Variants in CNTNAP2 observed in about 807,000 individuals in gnomAD.
The protein encoded by CNTNAP2 is contactin-associated protein-like 2.
In CNTNAP2, 98 loss-of-function variants were observed where a neutral mutation model predicts 155.2. The observed-to-expected ratio is 0.63, with a 90% CI of 0.54 to 0.75. The LOEUF (loss-of-function observed/expected upper bound fraction) is 0.75, where lower values mean the gene tolerates loss of function less well. Ranked by LOEUF, CNTNAP2 falls within the 30% of genes least tolerant of loss-of-function variation. The pLI is 0.00. For synonymous variants in CNTNAP2, 651 were observed against 631.2 expected (o/e 1.03, Z -0.47); for missense variants, 1,727 against 1,688.1 (o/e 1.02, Z -0.40).
chr7:146,239,985 T>C (rs890107127), intron 1 of CNTNAP2, among the ~76,000 whole-genome samples: 9 of 152,220 alleles, frequency 5.9e-5, no homozygotes, highest in African/African-American at 2.2e-4. Context: ...ATTTATTTTT[T>C]CATTAGATTT....
chr7:147,481,753 G>A lies in CNTNAP2; in HGVS notation c.1671-4182G>A, dbSNP rs144989018. On this transcript the variant is annotated intron_variant, in intron 10 of 23. Coordinates refer to ENST00000361727, the MANE Select transcript of CNTNAP2 (RefSeq NM_014141.6). The stretch of plus-strand genomic sequence containing the variant: ...ACTTGATCACAACAAATTGACACCT[G>A]CCAACTTCTCCCCTGTACCTTCCTG... 4.5e-4 allele frequency among the ~76,000 whole-genome samples: 69 copies of A among 152,232 alleles called. No individual in the cohort carries two copies. The East Asian group carries it at 0.013, about 29-fold the overall frequency.
At chr7:146,316,919 T>C (rs1044753811) in intron 1 of CNTNAP2, among the ~76,000 whole-genome samples, 17 of 151,846 alleles carry the variant, frequency 1.1e-4, no homozygotes, top group Non-Finnish European at 7.4e-5. Flanking sequence ...TCCAGAAGCA[T>C]AGGGGCCTTG....
chr7:148,023,219 G>A (rs1009900403), intron 15 of CNTNAP2, among the ~76,000 whole-genome samples: 6 of 152,098 alleles, frequency 3.9e-5, no homozygotes, highest in African/African-American at 9.7e-5. Context: ...TCTCTTGAGC[G>A]ATGCACAAAA....
At chr7:147,031,141 C>T (rs1025715959) in intron 3 of CNTNAP2, among the ~76,000 whole-genome samples, 1 of 151,940 alleles carries the variant, frequency 6.6e-6, no homozygotes, top group Non-Finnish European at 1.5e-5. Context: ...TTCTGTTTGT[C>T]TAAATATTTA....
At chr7:147,208,346 T>A (rs1803063528) in intron 8 of CNTNAP2, among the ~76,000 whole-genome samples, 1 of 152,080 alleles carries the variant, frequency 6.6e-6, no homozygotes, top group Admixed American at 6.6e-5. Context: ...CAGGATATAT[T>A]TTTATACTAA....
intron 18 of CNTNAP2, among the ~76,000 whole-genome samples, chr7:148,175,065 T>A (rs913568699): frequency 6.6e-6 from 1 of 152,212 alleles, no homozygotes; most frequent in Non-Finnish European, 1.5e-5. Context: ...GCTTCATCCA[T>A]GACCCTGCAA....
intron 6 of CNTNAP2, among the ~76,000 whole-genome samples, chr7:147,124,279 T>G (rs1471364579): frequency 6.6e-6 from 1 of 152,110 alleles, no homozygotes; most frequent in Non-Finnish European, 1.5e-5. Flanking sequence ...TCACAAAACC[T>G]GAAGATGCAA....
chr7:146,740,170 T>C (rs1801688282), intron 1 of CNTNAP2, among the ~76,000 whole-genome samples: 1 of 152,028 alleles, frequency 6.6e-6, no homozygotes, highest in Non-Finnish European at 1.5e-5. Flanking sequence ...TCTGACTTTA[T>C]ATTTTCAAAT....
At chr7:146,867,117 C>G (rs1308633730) in intron 3 of CNTNAP2, among the ~76,000 whole-genome samples, 1 of 152,020 alleles carries the variant, frequency 6.6e-6, no homozygotes, top group African/African-American at 2.4e-5. Context: ...TTTCATCACC[C>G]AGGTATTAAA....
At chr7:147,588,835 C>T (rs76099606) in intron 12 of CNTNAP2, among the ~76,000 whole-genome samples, 1,944 of 152,298 alleles carry the variant, frequency 0.013, 20 homozygotes, top group African/African-American at 0.024. Flanking sequence ...TCATCACTTA[C>T]TCATGTTTGA....
At chr7:147,044,150 T>G in intron 4 of CNTNAP2, 96 bp downstream of exon 4, 1 of 1,401,764 alleles carries the variant, frequency 7.1e-7, no homozygotes. Flanking sequence ...TTGCTTTCTC[T>G]GACAATAAAC....
At chr7:148,003,554 G>A (rs373579711) in intron 15 of CNTNAP2, among the ~76,000 whole-genome samples, 14 of 152,282 alleles carry the variant, frequency 9.2e-5, no homozygotes, top group East Asian at 1.9e-4. Context: ...ATTGAGAATC[G>A]GAGAGGGCAC....
Position 146,504,393 on chromosome 7 carries a change from G to C in CNTNAP2, c.98-269878G>C, listed in dbSNP as rs145439877. 6.0e-3 allele frequency among the ~76,000 whole-genome samples: 911 copies of C among 152,346 alleles called. 11 individuals are homozygous for C. Among genetic ancestry groups the C allele is most frequent in the African/African-American group, 0.021 (880 of 41,586 alleles). The stretch of plus-strand genomic sequence containing the variant: ...GATTTCCTGGGAAACTCCTTGCAAA[G>C]CTGCTATGTTTTGTTGATTGTCAGG... On this transcript the variant is annotated intron_variant, in intron 1 of 23. Coordinates refer to ENST00000361727, the MANE Select transcript of CNTNAP2 (RefSeq NM_014141.6).
intron 2 of CNTNAP2, among the ~76,000 whole-genome samples, chr7:146,815,326 A>G (rs61197728): frequency 0.18 from 27,567 of 152,150 alleles, 7,892 homozygotes; most frequent in African/African-American, 0.61. Context: ...TATATGTATG[A>G]TGTTTAATCT....
intron 15 of CNTNAP2, among the ~76,000 whole-genome samples, chr7:148,025,747 A>G (rs948810572): frequency 7.2e-5 from 11 of 152,216 alleles, no homozygotes; most frequent in Non-Finnish European, 1.5e-5. Flanking sequence ...CTTGCAGGTT[A>G]TAATTGGATC....
At chr7:147,096,620 G>C (rs1800541533) in intron 4 of CNTNAP2, among the ~76,000 whole-genome samples, 1 of 152,172 alleles carries the variant, frequency 6.6e-6, no homozygotes, top group Non-Finnish European at 1.5e-5. Flanking sequence ...TAAACTGCTT[G>C]TCTTCTCTGA....
chr7:148,136,440 T>G (rs1804951606), intron 16 of CNTNAP2, among the ~76,000 whole-genome samples: 2 of 152,144 alleles, frequency 1.3e-5, no homozygotes, highest in Admixed American at 1.3e-4. Context: ...TGTGATGTGC[T>G]GCTGTTCCTT....
chr7:148,221,818 G>A (rs117269024), intron 19 of CNTNAP2, among the ~76,000 whole-genome samples: 2,684 of 152,250 alleles, frequency 0.018, 31 homozygotes, highest in Middle Eastern at 0.034. Context: ...GTTCTTCCCT[G>A]CTTTTGTGGG....
chr7:147,508,210 A>G (rs1798948270), intron 11 of CNTNAP2, among the ~76,000 whole-genome samples: 1 of 152,198 alleles, frequency 6.6e-6, no homozygotes, highest in Non-Finnish European at 1.5e-5. Context: ...GATCCTAGCC[A>G]TTATATCCCT....
Sources: allele counts gnomAD v4.1 joint callset (sites outside exome capture counted in the v4.1 genomes callset), GRCh38; gene constraint gnomAD v4.1.1; transcripts MANE v1.5; gene names NCBI Gene and HGNC (gene_info 2026-07-23, HGNC 2026-07-21).